The following MYSM1 variants were observed in gnomAD, a reference collection of about 807,000 sequenced individuals.
The protein encoded by MYSM1 is deubiquitinase MYSM1.
In MYSM1, 51 loss-of-function variants were observed where a neutral mutation model predicts 116.0. The ratio of observed to expected loss-of-function variants is 0.44; its 90% CI spans 0.35 to 0.56. The LOEUF (loss-of-function observed/expected upper bound fraction) is 0.56. Ranked by LOEUF, MYSM1 falls within the 20% of genes least tolerant of loss-of-function variation. The probability of loss-of-function intolerance (pLI) is 0.00; values close to 1 mark genes in which losing one functional copy is unlikely to be tolerated. For synonymous variants in MYSM1, 313 were observed against 315.2 expected (o/e 0.99, Z 0.07); for missense variants, 900 against 974.9 (o/e 0.92, Z 1.02).
In MYSM1 at chr1:58,665,495, T is replaced by G; in HGVS notation, c.2164+4A>C. 1 of 1,581,184 alleles carries G rather than the reference T, an allele frequency of 6.3e-7. No individual in the cohort carries two copies. The highest frequency in any genetic ancestry group is 8.6e-7 in the Non-Finnish European group (1 of 1,165,218). On this transcript the variant is annotated splice_donor_region_variant and intron_variant, in intron 17 of 19. Transcript: ENST00000472487. Reference sequence around the variant, plus strand: ...GGATAAAGTTATTTTTGTTGAAAACTTACGATAAGAGCCATCTGGGCTAAT... The same window carrying G: ...GGATAAAGTTATTTTTGTTGAAAACGTACGATAAGAGCCATCTGGGCTAAT...
intron 19 of MYSM1, 71 bp downstream of exon 19, chr1:58,661,099 G>A: frequency 8.8e-7 from 1 of 1,141,756 alleles, no homozygotes; most frequent in Non-Finnish European, 1.3e-6. Context: ...AGGCATCATG[G>A]GAAAACACAT....
chr1:58,671,980 T>TTAAGGAG (rs1373455122), intron 11 of MYSM1, 22 bp from the exon 12 acceptor site: 1 of 1,586,722 alleles, frequency 6.3e-7, no homozygotes, highest in Non-Finnish European at 8.6e-7. Context: ...TGCCAATTGA[T>TTAAGGAG]TAAGGAGTCC....
intron 1 of MYSM1, chr1:58,699,503 G>T: frequency 2.5e-6 from 1 of 396,782 alleles, no homozygotes; most frequent in Non-Finnish European, 3.4e-6. Context: ...TCTAAAACCT[G>T]GCCCATTTAA....
intron 12 of MYSM1, 28 bp from the exon 13 acceptor site, chr1:58,669,066 A>G (rs1211698860): frequency 3.4e-6 from 5 of 1,469,014 alleles, no homozygotes; most frequent in Middle Eastern, 1.8e-4. Context: ...TTTTCAATAC[A>G]ATCTCAACAA....
chr1:58,675,583 A>G lies in MYSM1; in HGVS notation c.1391-3T>C. 6.2e-7 allele frequency: 1 copy of G among 1,609,616 alleles called. No homozygotes were observed. Among genetic ancestry groups the G allele is most frequent in the Non-Finnish European group, 8.5e-7 (1 of 1,176,678 alleles). On this transcript the variant is annotated splice_polypyrimidine_tract_variant and splice_region_variant and intron_variant, in intron 9 of 19. Transcript: ENST00000472487. ...TGGCCTATTATACACAGCCTGTTCTATTGGAATTCAGGAAAGATAAAACCA... is the reference window on the plus strand; with the variant it reads ...TGGCCTATTATACACAGCCTGTTCTGTTGGAATTCAGGAAAGATAAAACCA...
Position 58,669,055 on chromosome 1 carries a change from A to C in MYSM1, c.1662-17T>G. On this transcript the variant is annotated splice_polypyrimidine_tract_variant and intron_variant, in intron 12 of 19. Coordinates refer to ENST00000472487, the MANE Select transcript of MYSM1 (RefSeq NM_001085487.3). ...TCAAACGAGCTGAAAAAGAAAAAAA[A>C]TTTTCAATACAATCTCAACAAGATT... 6.5e-7 allele frequency: 1 copy of C among 1,546,674 alleles called. No individual in the cohort carries two copies. Among genetic ancestry groups the C allele is most frequent in the Non-Finnish European group, 8.8e-7 (1 of 1,137,560 alleles).
Position 58,660,010 on chromosome 1 carries a change from T to A in MYSM1, c.2474A>T (p.Glu825Val). The A allele has an allele frequency of 6.4e-7, 1 of 1,561,758 alleles. No homozygotes were observed. Among genetic ancestry groups the A allele is most frequent in the Non-Finnish European group, 8.7e-7 (1 of 1,154,394 alleles). Residue 825 changes from glutamate to valine, a missense_variant, in exon 20 of 20, where the codon GAA becomes GTA. Glu to Val is a moderately radical substitution (Grantham distance 121). This residue lies in a region of MYSM1 where 186 missense variants were observed against 196.2 expected (regional missense o/e 0.95). Transcript: ENST00000472487. ...ACTTTAAAATAATCACATTAACAAT[T>A]CCTTTGTACAGTTCTCTTCGGTTAC... The part of the protein sequence containing the change: ...NGVTEENCTK[E>V]LLM
rs1644497040 is a variant in MYSM1 at position 58,667,808 on chromosome 1, C to A, written c.1842+39G>T. The A allele has an allele frequency of 2.4e-6, 3 of 1,237,478 alleles. No homozygotes were observed. The South Asian group carries it at 3.6e-5, about 15-fold the overall frequency. The allele number at this position is 1,237,478 out of a possible 1,614,324, so 76.7% of individuals were successfully genotyped here. A position where few individuals can be genotyped will look rare whatever the true frequency, so the allele number is the denominator to read the frequency against. The stretch of plus-strand genomic sequence containing the variant: ...AAAAATATTTGGTATGGTAGTAGGA[C>A]TAAATAACTAAAACATTTTTTTAAA... On this transcript the variant is annotated intron_variant, in intron 15 of 19. Coordinates refer to ENST00000472487, the MANE Select transcript of MYSM1 (RefSeq NM_001085487.3).
intron 10 of MYSM1, 66 bp from the exon 11 acceptor site, chr1:58,673,716 T>A: frequency 7.7e-7 from 1 of 1,305,126 alleles, no homozygotes; most frequent in South Asian, 1.2e-5. Flanking sequence ...AGCACATTAA[T>A]ACACAAAATG....
Position 58,679,029 on chromosome 1 carries a change from G to A in MYSM1, c.1260-1973C>T, listed in dbSNP as rs892441270. On this transcript the variant is annotated intron_variant, in intron 8 of 19. Coordinates refer to ENST00000472487, the MANE Select transcript of MYSM1 (RefSeq NM_001085487.3). The stretch of plus-strand genomic sequence containing the variant: ...TTTAAGTACAGTACATGGTATTCGG[G>A]AGGCATTCAGTAATGGTACTGGTTA... 2.0e-5 allele frequency among the ~76,000 whole-genome samples: 3 copies of A among 152,182 alleles called. No homozygotes were observed. The East Asian group carries it at 5.8e-4, about 29-fold the overall frequency.
At chr1:58,667,479 T>C (rs929032043) in intron 15 of MYSM1, among the ~76,000 whole-genome samples, 6 of 152,216 alleles carry the variant, frequency 3.9e-5, no homozygotes, top group African/African-American at 1.4e-4. Context: ...ACATAATACC[T>C]GTACAAAGGT....
chr1:58,667,014 A>C lies in MYSM1; in HGVS notation c.2031+24T>G, dbSNP rs917668809. ...ATTGAGGGGGTGTGCAACCATTTAC[A>C]GAATATAAATATACATGTAATACCT... On this transcript the variant is annotated intron_variant, in intron 16 of 19. Transcript: ENST00000472487. The C allele has an allele frequency of 5.4e-6, 8 of 1,490,048 alleles. No homozygotes were observed. The African/African-American group carries it at 6.9e-5, about 13-fold the overall frequency. The allele number at this position is 1,490,048 out of a possible 1,614,324, so 92.3% of individuals were successfully genotyped here. A position where few individuals can be genotyped will look rare whatever the true frequency, so the allele number is the denominator to read the frequency against.
At position 58,673,595 on chromosome 1, in the gene MYSM1, T is replaced by C; in HGVS notation, c.1550A>G (p.Asp517Gly). 2 of 1,614,090 alleles carry C rather than the reference T, an allele frequency of 1.2e-6. No homozygotes were observed. Among genetic ancestry groups the C allele is most frequent in the Non-Finnish European group, 8.5e-7 (1 of 1,179,960 alleles). Reference protein sequence around the residue: ...DPWGNWCDAKDLEGQTFEHLS... With the variant: ...DPWGNWCDAKGLEGQTFEHLS... ...TACCTCAAACGTTTGTCCTTCTAAG[T>C]CCTTTGCATCACACCAGTTTCCCCA... Residue 517 changes from aspartate (D) to glycine (G), a missense_variant, in exon 11 of 20, where the codon GAC becomes GGC. By Grantham distance (94) the Asp-to-Gly change is moderately conservative (BLOSUM62 -1). This residue lies in a region of MYSM1 where 622 missense variants were observed against 623.7 expected (regional missense o/e 1.00). Coordinates refer to ENST00000472487, the MANE Select transcript of MYSM1 (RefSeq NM_001085487.3).
intron 17 of MYSM1, among the ~76,000 whole-genome samples, chr1:58,664,852 TAAA>T (rs1379443135): frequency 6.6e-6 from 1 of 152,230 alleles, no homozygotes; most frequent in Non-Finnish European, 1.5e-5. Context: ...AATGACAGAA[TAAA>T]TATCCTAGAG....
chr1:58,678,548 T>C (rs184355540), intron 8 of MYSM1, among the ~76,000 whole-genome samples: 12 of 152,274 alleles, frequency 7.9e-5, no homozygotes. Context: ...CTGAGCATTG[T>C]TTAAGAACTA....
At chr1:58,695,041 A>C (rs921913218) in intron 2 of MYSM1, 88 bp downstream of exon 2, 6 of 637,374 alleles carry the variant, frequency 9.4e-6, no homozygotes, top group Admixed American at 2.9e-5. Flanking sequence ...GTTGAGAACT[A>C]GCACTAAGTT....
intron 6 of MYSM1, among the ~76,000 whole-genome samples, chr1:58,686,704 T>C (rs905619562): frequency 6.6e-6 from 1 of 152,116 alleles, no homozygotes; most frequent in African/African-American, 2.4e-5. Context: ...ATCTTTATTG[T>C]GGGATGAAGA....
chr1:58,681,793 C>T lies in MYSM1; in HGVS notation c.1251G>A (p.Leu417=). ...ERYLKIRNYI[L]DQWEICKPKY... ...ATGTAATTCTTTCTTACCATTGATC[C>T]AAAATATAATTTCTAATTTTCAAAT... The change falls in exon 8 of 20, where the codon TTG becomes TTA. Residue 417 remains leucine, a synonymous_variant. Transcript: ENST00000472487. The T allele has an allele frequency of 6.3e-7, 1 of 1,582,042 alleles. No homozygotes were observed. Among genetic ancestry groups the T allele is most frequent in the Non-Finnish European group, 8.6e-7 (1 of 1,169,416 alleles).
chr1:58,692,378 G>A (rs1644916527), intron 3 of MYSM1: 1 of 152,226 alleles, frequency 6.6e-6, no homozygotes, highest in African/African-American at 2.4e-5. Flanking sequence ...TATAAATAAG[G>A]ATCCACAAAT....
Sources: gnomAD v4.1 joint callset for allele counts (sites outside exome capture counted in the v4.1 genomes callset) on GRCh38, gnomAD v4.1.1 for gene constraint, gnomAD v4.1.1 regional missense constraint, MANE v1.5 for transcripts, NCBI Gene and HGNC (gene_info 2026-07-23, HGNC 2026-07-21) for gene names.